The following EPHB1 variants were observed in gnomAD, a reference collection of about 807,000 sequenced individuals.
The protein encoded by EPHB1 is ephrin type-B receptor 1.
In EPHB1, 30 loss-of-function variants were observed where a neutral mutation model predicts 94.4. That is an observed-to-expected ratio of 0.32 (90% confidence interval 0.24 to 0.43). The LOEUF (loss-of-function observed/expected upper bound fraction) is 0.43, where lower values mean the gene tolerates loss of function less well. Among genes scored for constraint, EPHB1 ranks in the 20% least tolerant of loss-of-function variants. The probability of loss-of-function intolerance (pLI) is 1.00; values close to 1 mark genes in which losing one functional copy is unlikely to be tolerated. For synonymous variants in EPHB1, 522 were observed against 489.1 expected (o/e 1.07, Z -0.89); for missense variants, 1,055 against 1,308.3 (o/e 0.81, Z 2.99).
chr3:135,233,473 G>T (rs763853840), intron 12 of EPHB1, among the ~76,000 whole-genome samples: 1 of 152,226 alleles, frequency 6.6e-6, no homozygotes, highest in Admixed American at 6.5e-5. Flanking sequence ...AGCTTTGCAG[G>T]GTACAGCTCC....
At chr3:135,016,059 C>T (rs967650007) in intron 3 of EPHB1, among the ~76,000 whole-genome samples, 1 of 152,156 alleles carries the variant, frequency 6.6e-6, no homozygotes, top group African/African-American at 2.4e-5. Flanking sequence ...TCCTTCCTGA[C>T]AAGTGGAGAA....
At chr3:135,242,494 C>T (rs1396192314) in intron 13 of EPHB1, among the ~76,000 whole-genome samples, 4 of 152,144 alleles carry the variant, frequency 2.6e-5, no homozygotes, top group Non-Finnish European at 5.9e-5. Flanking sequence ...CCCAGAGAGA[C>T]TGTGGAAAGA....
intron 3 of EPHB1, among the ~76,000 whole-genome samples, chr3:134,994,986 T>TTGTGTGTG (rs57873051): frequency 0.21 from 31,045 of 148,320 alleles, 3,697 homozygotes; most frequent in Middle Eastern, 0.32. Context: ...TTACATACAC[T>TTGTGTGTG]TGTGTGTGTG....
intron 3 of EPHB1, among the ~76,000 whole-genome samples, chr3:135,003,406 G>T (rs1397171416): frequency 6.7e-6 from 1 of 148,632 alleles, no homozygotes; most frequent in Admixed American, 6.7e-5. Context: ...GAATAGGTGT[G>T]GTGTGGTGCT....
intron 3 of EPHB1, among the ~76,000 whole-genome samples, chr3:135,059,600 G>T (rs898563029): frequency 1.3e-5 from 2 of 152,222 alleles, no homozygotes; most frequent in African/African-American, 4.8e-5. Flanking sequence ...GACTGTTGGA[G>T]TTCGTTGACT....
At chr3:135,075,019 G>A (rs1937859313) in intron 3 of EPHB1, among the ~76,000 whole-genome samples, 1 of 152,170 alleles carries the variant, frequency 6.6e-6, no homozygotes, top group African/African-American at 2.4e-5. Context: ...ACTTTCTGGA[G>A]TTTGGTGGGA....
intron 1 of EPHB1, among the ~76,000 whole-genome samples, chr3:134,862,379 A>G (rs1260761362): frequency 6.6e-6 from 1 of 152,070 alleles, no homozygotes; most frequent in Admixed American, 6.5e-5. Flanking sequence ...ATGGAGCCCT[A>G]AAACAGACTT....
chr3:134,934,773 TGTG>T (rs2038970597), intron 2 of EPHB1, among the ~76,000 whole-genome samples: 1 of 152,102 alleles, frequency 6.6e-6, no homozygotes, highest in East Asian at 1.9e-4. Context: ...CTTTGGGAGT[TGTG>T]GTGGTTCACC....
At chr3:135,051,340 G>T (rs1389930209) in intron 3 of EPHB1, among the ~76,000 whole-genome samples, 1 of 152,172 alleles carries the variant, frequency 6.6e-6, no homozygotes, top group South Asian at 2.1e-4. Flanking sequence ...CTGGGCCTGG[G>T]TGCTGACCAC....
intron 1 of EPHB1, among the ~76,000 whole-genome samples, chr3:134,857,269 C>A (rs557012545): frequency 7.0e-4 from 107 of 152,292 alleles, no homozygotes; most frequent in Non-Finnish European, 1.3e-3. Flanking sequence ...GTACTCCTCT[C>A]CGTATATTTT....
chr3:135,055,423 T>A (rs906319700), intron 3 of EPHB1, among the ~76,000 whole-genome samples: 3 of 152,220 alleles, frequency 2.0e-5, no homozygotes, highest in Non-Finnish European at 4.4e-5. Flanking sequence ...TCCTAGCAGT[T>A]GTCTTAACAG....
At chr3:134,827,855 G>T (rs2036512708) in intron 1 of EPHB1, among the ~76,000 whole-genome samples, 1 of 152,166 alleles carries the variant, frequency 6.6e-6, no homozygotes, top group Non-Finnish European at 1.5e-5. Flanking sequence ...GACCTGCAAA[G>T]CCTTTCATTC....
At chr3:135,197,818 T>G (rs568105299) in intron 11 of EPHB1, among the ~76,000 whole-genome samples, 1 of 143,200 alleles carries the variant, frequency 7.0e-6, no homozygotes, top group East Asian at 2.0e-4. Context: ...AATAAGTTAG[T>G]TTTTTTTTTT....
chr3:135,095,228 C>T (rs1415233421), intron 3 of EPHB1, among the ~76,000 whole-genome samples: 7 of 152,052 alleles, frequency 4.6e-5, no homozygotes, highest in African/African-American at 1.7e-4. Context: ...AGAGGGCAGG[C>T]TTTCTGGGGT....
intron 3 of EPHB1, among the ~76,000 whole-genome samples, chr3:134,956,244 A>G (rs920862161): frequency 6.6e-6 from 1 of 151,906 alleles, no homozygotes; most frequent in African/African-American, 2.4e-5. Context: ...TTCTGTGACA[A>G]CCCCTGAGTG....
At chr3:134,882,745 T>TC (rs1447933903) in intron 1 of EPHB1, among the ~76,000 whole-genome samples, 953 of 77,958 alleles carry the variant, frequency 0.012, 10 homozygotes, top group South Asian at 0.031. Context: ...TTTCCTTCTT[T>TC]CTTCCTTTCT....
chr3:134,989,522 T>C (rs73864217), intron 3 of EPHB1, among the ~76,000 whole-genome samples: 158 of 118,746 alleles, frequency 1.3e-3, no homozygotes, highest in African/African-American at 4.1e-3. Context: ...CACACACACA[T>C]ATATGTGAAT....
Position 135,241,137 on chromosome 3 carries a change from C to T in EPHB1, c.2347-11C>T, listed in dbSNP as rs1010933736. ...GATTGTTGGGCTGACCACGGTTTCT[C>T]CTTCTTTCAGGGAGGGAAGATCCCT... On this transcript the variant is annotated splice_polypyrimidine_tract_variant and intron_variant, in intron 12 of 15. Coordinates refer to ENST00000398015, the MANE Select transcript of EPHB1 (RefSeq NM_004441.5). 1 of 1,614,070 alleles carries T rather than the reference C, an allele frequency of 6.2e-7. No individual in the cohort carries two copies. Among genetic ancestry groups the T allele is most frequent in the African/African-American group, 1.3e-5 (1 of 74,928 alleles).
intron 3 of EPHB1, among the ~76,000 whole-genome samples, chr3:134,997,994 A>G (rs890743649): frequency 1.3e-5 from 2 of 152,166 alleles, no homozygotes; most frequent in Non-Finnish European, 2.9e-5. Flanking sequence ...TTTCAGGGTG[A>G]TTTAATTATC....
Sources: allele counts gnomAD v4.1 joint callset (sites outside exome capture counted in the v4.1 genomes callset), GRCh38; gene constraint gnomAD v4.1.1; transcripts MANE v1.5; gene names NCBI Gene and HGNC (gene_info 2026-07-23, HGNC 2026-07-21).